Variants in FAF1 observed in about 807,000 individuals in gnomAD.
FAF1 encodes the protein FAS-associated factor 1.
A neutral mutation model predicts 92.5 loss-of-function variants in FAF1; 25 were observed. That is an observed-to-expected ratio of 0.27 (90% CI 0.20 to 0.38). The LOEUF is 0.38. Ranked by LOEUF, FAF1 falls within the 10% of genes least tolerant of loss-of-function variation. The probability of loss-of-function intolerance (pLI) is 1.00; values close to 1 mark genes in which losing one functional copy is unlikely to be tolerated. For synonymous variants in FAF1, 234 were observed against 273.2 expected (o/e 0.86, Z 1.42); for missense variants, 636 against 793.3 (o/e 0.80, Z 2.38).
At chr1:50,950,557 A>C (rs1057183737) in intron 1 of FAF1, among the ~76,000 whole-genome samples, 1 of 152,246 alleles carries the variant, frequency 6.6e-6, no homozygotes, top group Non-Finnish European at 1.5e-5. Flanking sequence ...TTATTTATAA[A>C]AACAGGCAGC....
intron 15 of FAF1, among the ~76,000 whole-genome samples, chr1:50,510,482 A>C (rs895427142): frequency 1.3e-5 from 2 of 152,106 alleles, no homozygotes; most frequent in East Asian, 3.9e-4. Context: ...ATTCATGAAT[A>C]ATTACATGAA....
At chr1:50,877,501 A>T (rs540555145) in intron 1 of FAF1, among the ~76,000 whole-genome samples, 1 of 152,290 alleles carries the variant, frequency 6.6e-6, no homozygotes, top group East Asian at 1.9e-4. Flanking sequence ...AACATTAGGT[A>T]AAAATATCAT....
intron 8 of FAF1, among the ~76,000 whole-genome samples, chr1:50,633,743 C>A (rs770551246): frequency 6.6e-6 from 1 of 152,204 alleles, no homozygotes; most frequent in African/African-American, 2.4e-5. Context: ...CTGTGAAACA[C>A]TGGATAAATG....
intron 1 of FAF1, among the ~76,000 whole-genome samples, chr1:50,919,239 C>A (rs1390998995): frequency 6.6e-6 from 1 of 151,888 alleles, no homozygotes; most frequent in African/African-American, 2.4e-5. Flanking sequence ...GAGAGAATTT[C>A]TCACCAACAG....
intron 1 of FAF1, among the ~76,000 whole-genome samples, chr1:50,888,046 T>C (rs1275219743): frequency 6.6e-6 from 1 of 152,236 alleles, no homozygotes; most frequent in Non-Finnish European, 1.5e-5. Context: ...TATCCTCTTT[T>C]ACTTCATTGA....
intron 1 of FAF1, among the ~76,000 whole-genome samples, chr1:50,861,406 C>G (rs1404914077): frequency 6.6e-6 from 1 of 151,760 alleles, no homozygotes; most frequent in East Asian, 1.9e-4. Flanking sequence ...AGTGCCCTTA[C>G]ATGGATGAAT....
intron 3 of FAF1, 21 bp downstream of exon 3, chr1:50,801,610 G>A (rs1272024293): frequency 7.0e-7 from 1 of 1,418,494 alleles, no homozygotes; most frequent in South Asian, 1.2e-5. Context: ...CATCTTAACT[G>A]GTAAGCACTT....
chr1:50,903,633 A>C (rs1644813374), intron 1 of FAF1, among the ~76,000 whole-genome samples: 1 of 152,222 alleles, frequency 6.6e-6, no homozygotes, highest in African/African-American at 2.4e-5. Context: ...ATCAGGAGAA[A>C]AAGGGAATTT....
chr1:50,647,012 A>AT (rs1181984658), intron 8 of FAF1, among the ~76,000 whole-genome samples: 1 of 151,716 alleles, frequency 6.6e-6, no homozygotes, highest in Non-Finnish European at 1.5e-5. Context: ...CGCCCAGCTA[A>AT]TTTTTTTTGT....
intron 4 of FAF1, among the ~76,000 whole-genome samples, chr1:50,783,629 T>G (rs1661260010): frequency 6.6e-6 from 1 of 152,044 alleles, no homozygotes; most frequent in Non-Finnish European, 1.5e-5. Context: ...ATCCCAGCAC[T>G]CTGGGAGGCT....
intron 4 of FAF1, among the ~76,000 whole-genome samples, chr1:50,747,693 G>A (rs559306131): frequency 6.6e-5 from 10 of 152,272 alleles, no homozygotes; most frequent in South Asian, 2.1e-4. Context: ...GAGGGGCCAC[G>A]GGTGAAATAA....
At chr1:50,741,094 T>C (rs1311831703) in intron 5 of FAF1, among the ~76,000 whole-genome samples, 2 of 152,196 alleles carry the variant, frequency 1.3e-5, no homozygotes, top group African/African-American at 4.8e-5. Context: ...AAATATACGA[T>C]GATGAAAGAA....
chr1:50,576,643 C>T (rs972314081), intron 12 of FAF1, among the ~76,000 whole-genome samples: 6 of 141,992 alleles, frequency 4.2e-5, no homozygotes, highest in African/African-American at 8.2e-5. Context: ...GCCCCCCCCC[C>T]GCCACCACCC....
chr1:50,663,595 G>C (rs1655489704), intron 7 of FAF1, among the ~76,000 whole-genome samples: 2 of 151,244 alleles, frequency 1.3e-5, no homozygotes, highest in African/African-American at 2.5e-5. Flanking sequence ...AGTAGAGACA[G>C]GGTTTCACCG....
intron 2 of FAF1, among the ~76,000 whole-genome samples, chr1:50,842,805 A>G (rs1171201528): frequency 6.6e-6 from 1 of 152,024 alleles, no homozygotes; most frequent in Non-Finnish European, 1.5e-5. Flanking sequence ...CTATTATTCT[A>G]TTTGGTTTTC....
At chr1:50,761,083 T>A (rs1162434084) in intron 4 of FAF1, among the ~76,000 whole-genome samples, 1 of 151,860 alleles carries the variant, frequency 6.6e-6, no homozygotes, top group East Asian at 1.9e-4. Context: ...AACTAGAAAA[T>A]CTAGAAGAAA....
At chr1:50,920,226 G>C (rs769366728) in intron 1 of FAF1, among the ~76,000 whole-genome samples, 2 of 151,854 alleles carry the variant, frequency 1.3e-5, no homozygotes, top group Non-Finnish European at 2.9e-5. Context: ...GCTTGAGCCT[G>C]GGGGGCAGAG....
At chr1:50,500,601 G>A (rs1207628395) in intron 15 of FAF1, among the ~76,000 whole-genome samples, 2 of 152,016 alleles carry the variant, frequency 1.3e-5, no homozygotes, top group Non-Finnish European at 2.9e-5. Context: ...GTGACCTTAG[G>A]TTAGGCAAAT....
intron 1 of FAF1, among the ~76,000 whole-genome samples, chr1:50,916,873 T>G (rs775052537): frequency 6.6e-6 from 1 of 152,008 alleles, no homozygotes; most frequent in African/African-American, 2.4e-5. Context: ...AAGACAGAAA[T>G]AAAAAGCAGA....
Sources: allele counts gnomAD v4.1 joint callset (sites outside exome capture counted in the v4.1 genomes callset), GRCh38; gene constraint gnomAD v4.1.1; transcripts MANE v1.5; gene names NCBI Gene and HGNC (gene_info 2026-07-23, HGNC 2026-07-21).